Variants in ACAN observed in about 807,000 individuals in gnomAD.
ACAN encodes the protein aggrecan.
ACAN carries 47 observed loss-of-function variants against 169.1 expected under a neutral mutation model. That is an observed-to-expected ratio of 0.28 (90% CI 0.22 to 0.35). The LOEUF is 0.35. Among genes scored for constraint, ACAN ranks in the 10% least tolerant of loss-of-function variants. ACAN has a pLI of 1.00. For synonymous variants in ACAN, 1,115 were observed against 1,112.2 expected, an observed-to-expected ratio of 1.00 and a Z score of -0.05; for missense variants, 2,716 against 2,759.9, an observed-to-expected ratio of 0.98 and a Z score of 0.36.
rs953216227 is a variant in ACAN at position 88,847,121 on chromosome 15, G to T, written c.1430-122G>T. 8 of 1,117,106 alleles carry T rather than the reference G, an allele frequency of 7.2e-6. No individual in the cohort carries two copies. In the Admixed American group the frequency reaches 8.6e-5, roughly 12 times the overall value. 69.2% of individuals were successfully genotyped at this position (1,117,106 alleles called of 1,614,324 possible). Reference sequence around the variant, plus strand: ...TGGCTACCAAGTGGGATTTCAGCCTGCATTGCCCAGATAAATCCAATATGT... The same window carrying T: ...TGGCTACCAAGTGGGATTTCAGCCTTCATTGCCCAGATAAATCCAATATGT... On this transcript the variant is annotated intron_variant, in intron 7 of 18. Transcript: ENST00000560601.
At chr15:88,815,676 AAAAAG>A (rs1895924434) in intron 1 of ACAN, among the ~76,000 whole-genome samples, 2 of 151,002 alleles carry the variant, frequency 1.3e-5, no homozygotes, top group Admixed American at 6.6e-5. Flanking sequence ...AAAAAAAAAA[AAAAAG>A]AAGGAGCCAT....
chr15:88,837,635 C>G (rs951836652), intron 2 of ACAN, among the ~76,000 whole-genome samples: 7 of 152,178 alleles, frequency 4.6e-5, no homozygotes, highest in African/African-American at 1.7e-4. Context: ...CTGAGAACCA[C>G]TACTGCTAAA....
rs1018524595 is a variant in ACAN, at chr15:88,807,785, T to C, written c.-8+3976T>C. Among the ~76,000 whole-genome samples the C allele has an allele frequency of 2.0e-5, 3 of 151,580 alleles. No homozygotes were observed. Among genetic ancestry groups the C allele is most frequent in the Non-Finnish European group, 1.5e-5 (1 of 67,810 alleles). On this transcript the variant is annotated intron_variant, in intron 1 of 18. Coordinates refer to ENST00000560601, the MANE Select transcript of ACAN (RefSeq NM_001369268.1). This position sits in a 1 kb window ranked among gnomAD's most constrained non-coding sequence, Gnocchi z 4.0. ...GTGTGTGTGTGTGTGTGTGTGTGTGTGCATGCTGGCAGGGCGGGCCCTGCG... is the reference window on the plus strand; with the variant it reads ...GTGTGTGTGTGTGTGTGTGTGTGTGCGCATGCTGGCAGGGCGGGCCCTGCG...
rs572761905 is a variant in ACAN at position 88,842,570 on chromosome 15, C to T, written c.757+703C>T. Among the ~76,000 whole-genome samples the T allele has an allele frequency of 3.4e-5, 5 of 147,368 alleles. No homozygotes were observed. In the East Asian group the frequency reaches 1.0e-3, roughly 30 times the overall value. On this transcript the variant is annotated intron_variant, in intron 5 of 18. Coordinates refer to ENST00000560601, the MANE Select transcript of ACAN (RefSeq NM_001369268.1). ...AGCTCCTCCAGGCTGGGGAGAAGAGCTGACAACTGGCACTTTCTGGGTGAG... is the reference window on the plus strand; with the variant it reads ...AGCTCCTCCAGGCTGGGGAGAAGAGTTGACAACTGGCACTTTCTGGGTGAG...
rs1244001551 is a variant in ACAN, at chr15:88,843,635, C to T, written c.1038C>T (p.Ala346=). The T allele has an allele frequency of 1.9e-6, 3 of 1,580,976 alleles. No homozygotes were observed. The highest frequency in any genetic ancestry group is 2.3e-5 in the East Asian group (1 of 44,130). Residue 346 remains alanine, a synonymous_variant, in exon 6 of 19, where the codon GCC becomes GCT. Coordinates refer to ENST00000560601, the MANE Select transcript of ACAN (RefSeq NM_001369268.1). This position sits in a 1 kb window ranked among gnomAD's most constrained non-coding sequence, Gnocchi z 4.0. ...CCGACCCCTCATCCCGCTACGACGC[C>T]ATCTGCTACACAGGTGGGGCACGGC... The part of the protein sequence containing the change: ...GYPDPSSRYD[A]ICYTGEDFVD...
intron 1 of ACAN, among the ~76,000 whole-genome samples, chr15:88,821,812 C>G (rs1896083263): frequency 6.6e-6 from 1 of 152,160 alleles, no homozygotes; most frequent in Non-Finnish European, 1.5e-5. Context: ...AGTCCACCCT[C>G]TGGTTCAGTA....
Position 88,843,677 on chromosome 15 carries a change from G to A in ACAN, c.1051+29G>A, listed in dbSNP as rs1243285494. ...GGGCACGGCTGGTGGTGGGAAGGGAGTTCATGCCACTAAAATGGGGTCCTA... is the reference window on the plus strand; with the variant it reads ...GGGCACGGCTGGTGGTGGGAAGGGAATTCATGCCACTAAAATGGGGTCCTA... On this transcript the variant is annotated intron_variant, in intron 6 of 18. Coordinates refer to ENST00000560601, the MANE Select transcript of ACAN (RefSeq NM_001369268.1). This position sits in a 1 kb window ranked among gnomAD's most constrained non-coding sequence, Gnocchi z 4.0. The A allele has an allele frequency of 1.9e-6, 3 of 1,538,704 alleles. No homozygotes were observed. Among genetic ancestry groups the A allele is most frequent in the Non-Finnish European group, 2.6e-6 (3 of 1,136,642 alleles).
chr15:88,842,883 C>T lies in ACAN; in HGVS notation c.758-472C>T, dbSNP rs115541851. ...TCATGGTCCTCGAATGATGCTCTTA[C>T]GGACTCTTCAGGGTCTAGAGACCCC... On this transcript the variant is annotated intron_variant, in intron 5 of 18. Coordinates refer to ENST00000560601, the MANE Select transcript of ACAN (RefSeq NM_001369268.1). Among the ~76,000 whole-genome samples the T allele has an allele frequency of 3.4e-3, 510 of 152,216 alleles. 4 individuals carry two copies. The highest frequency in any genetic ancestry group is 0.012 in the African/African-American group (494 of 41,534).
At chr15:88,853,749 G>GATACATAC (rs1202444816) in intron 11 of ACAN, among the ~76,000 whole-genome samples, 16 of 124,666 alleles carry the variant, frequency 1.3e-4, no homozygotes, top group African/African-American at 4.1e-4. Context: ...TAGATAGATA[G>GATACATAC]ATAGATACAT....
chr15:88,871,348 G>A lies in ACAN; in HGVS notation c.7061-34G>A, dbSNP rs964727189. The A allele has an allele frequency of 3.1e-6, 5 of 1,612,968 alleles. No homozygotes were observed. The highest frequency in any genetic ancestry group is 4.2e-6 in the Non-Finnish European group (5 of 1,179,786). ...CATCTGCCATCCCCTGGTGGCCTCT[G>A]CCCCTCCCTTCAAGCCCCTGACCTG... On this transcript the variant is annotated intron_variant, in intron 14 of 18. Transcript: ENST00000560601. This position sits in a 1 kb window ranked among gnomAD's most constrained non-coding sequence, Gnocchi z 7.8.
chr15:88,842,012 T>A, intron 5 of ACAN, 145 bp downstream of exon 5: 1 of 1,136,368 alleles, frequency 8.8e-7, no homozygotes, highest in East Asian at 2.5e-5. Context: ...TGAAGGGAGG[T>A]GGGCTGAGGC....
At chr15:88,820,588 C>A (rs1896051837) in intron 1 of ACAN, among the ~76,000 whole-genome samples, 1 of 152,164 alleles carries the variant, frequency 6.6e-6, no homozygotes, top group Non-Finnish European at 1.5e-5. Context: ...TCTTAGAAGG[C>A]CCTTTCCCCA....
intron 1 of ACAN, among the ~76,000 whole-genome samples, chr15:88,821,130 ATATGGGAAT>A (rs1173690748): frequency 2.0e-5 from 3 of 152,300 alleles, no homozygotes; most frequent in Admixed American, 2.0e-4. Context: ...CTCCCATGAT[ATATGGGAAT>A]TATGGGAACT....
chr15:88,819,774 A>AT (rs999024330), intron 1 of ACAN, among the ~76,000 whole-genome samples: 38 of 152,030 alleles, frequency 2.5e-4, no homozygotes, highest in African/African-American at 7.2e-4. Flanking sequence ...TCTAAAAAAC[A>AT]TTTTTTTAAT....
At position 88,861,863 on chromosome 15, in the gene ACAN, G is replaced by A. The variant is rs1024427730; in HGVS notation, c.6946+1424G>A. 1.3e-5 allele frequency among the ~76,000 whole-genome samples: 2 copies of A among 152,188 alleles called. No homozygotes were observed. Among genetic ancestry groups the A allele is most frequent in the Non-Finnish European group, 2.9e-5 (2 of 68,034 alleles). The stretch of plus-strand genomic sequence containing the variant: ...TAATAGGAGTAAGTGTCAGTGGGCC[G>A]TAACTATTCTGCTGTAAGGACAGCC... On this transcript the variant is annotated intron_variant, in intron 13 of 18. Coordinates refer to ENST00000560601, the MANE Select transcript of ACAN (RefSeq NM_001369268.1). The surrounding 1 kb of genome is among the most constrained non-coding windows in gnomAD (Gnocchi z 6.3).
At position 88,874,837 on chromosome 15, in the gene ACAN, C is replaced by G; in HGVS notation, c.*356C>G. ...AAAGAAGATTATTTTTGTTTCCTGA[C>G]TTTATCCAAGAGCAGTGCAATCGTT... is the stretch of plus-strand genomic sequence containing the variant. On this transcript the variant is annotated 3_prime_UTR_variant, in exon 19 of 19. Transcript: ENST00000560601. The surrounding 1 kb of genome is among the most constrained non-coding windows in gnomAD (Gnocchi z 7.3). 2 of 366,140 alleles carry G rather than the reference C, an allele frequency of 5.5e-6. No individual in the cohort carries two copies. Among genetic ancestry groups the G allele is most frequent in the East Asian group, 1.4e-4 (2 of 14,304 alleles). The allele number at this position is 366,140 out of a possible 1,614,324, so 22.7% of individuals were successfully genotyped here. A position where few individuals can be genotyped will look rare whatever the true frequency, so the allele number is the denominator to read the frequency against.
At position 88,807,268 on chromosome 15, in the gene ACAN, G is replaced by C. The variant is rs1261990130; in HGVS notation, c.-8+3459G>C. On this transcript the variant is annotated intron_variant, in intron 1 of 18. Coordinates refer to ENST00000560601, the MANE Select transcript of ACAN (RefSeq NM_001369268.1). This position sits in a 1 kb window ranked among gnomAD's most constrained non-coding sequence, Gnocchi z 4.0. ...GAAGGTCTGCTTATAAGTAGAGCAGGGGAGGGGACAGGCCAGCAGCTGCCC... is the reference window on the plus strand; with the variant it reads ...GAAGGTCTGCTTATAAGTAGAGCAGCGGAGGGGACAGGCCAGCAGCTGCCC... Among the ~76,000 whole-genome samples, 2 of 152,178 alleles carry C rather than the reference G, an allele frequency of 1.3e-5. No individual in the cohort carries two copies. Among genetic ancestry groups the C allele is most frequent in the Non-Finnish European group, 2.9e-5 (2 of 68,026 alleles).
At chr15:88,836,749 T>C (rs950216611) in intron 2 of ACAN, among the ~76,000 whole-genome samples, 1 of 152,170 alleles carries the variant, frequency 6.6e-6, no homozygotes. Context: ...CAAACCATCC[T>C]CGGGAAGCCC....
At chr15:88,809,876 A>G (rs551422419) in intron 1 of ACAN, among the ~76,000 whole-genome samples, 1 of 152,376 alleles carries the variant, frequency 6.6e-6, no homozygotes, top group South Asian at 2.1e-4. Flanking sequence ...ATTTATCTCA[A>G]TGCAGGCATG....
Sources: gnomAD v4.1 joint callset for allele counts (sites outside exome capture counted in the v4.1 genomes callset) on GRCh38, gnomAD v4.1.1 for gene constraint, Gnocchi (gnomAD v3.1) non-coding constraint, MANE v1.5 for transcripts, NCBI Gene and HGNC (gene_info 2026-07-23, HGNC 2026-07-21) for gene names.